Variants in PDPR observed in about 807,000 individuals in gnomAD.
PDPR encodes pyruvate dehydrogenase phosphatase regulatory subunit.
PDPR carries 50 observed loss-of-function variants against 102.2 expected under a neutral mutation model. The ratio of observed to expected loss-of-function variants is 0.49; its 90% CI spans 0.39 to 0.62. The LOEUF (loss-of-function observed/expected upper bound fraction) is 0.62. Among genes scored for constraint, PDPR ranks in the 20% least tolerant of loss-of-function variants. PDPR has a pLI of 0.00. For synonymous variants in PDPR, 259 were observed against 406.0 expected (o/e 0.64, Z 4.35); for missense variants, 625 against 1,098.2 (o/e 0.57, Z 6.09).
chr16:70,162,680 G>C (rs1034683455), downstream of PDPR: 10 of 153,064 alleles, frequency 6.5e-5, no homozygotes, highest in Non-Finnish European at 1.2e-4. Flanking sequence ...TAGAGAAGAT[G>C]TAGGTGTTTA....
chr16:70,151,390 C>G (rs1427358683), intron 17 of PDPR, among the ~76,000 whole-genome samples: 1 of 152,284 alleles, frequency 6.6e-6, no homozygotes, highest in African/African-American at 2.4e-5. Flanking sequence ...ATTTGAGCCA[C>G]TGTGCCCAAC....
chr16:70,151,208 A>G (rs1019012245), intron 17 of PDPR, among the ~76,000 whole-genome samples: 8 of 152,262 alleles, frequency 5.3e-5, no homozygotes, highest in Admixed American at 4.6e-4. Context: ...TGCTGGGATT[A>G]CAGGCATGAG....
intron 2 of PDPR, among the ~76,000 whole-genome samples, chr16:70,119,389 C>A (rs1244396738): frequency 4.6e-5 from 7 of 151,612 alleles, no homozygotes; most frequent in African/African-American, 1.7e-4. Context: ...TCATTTCATT[C>A]CCCTGCTAGT....
intron 9 of PDPR, among the ~76,000 whole-genome samples, chr16:70,133,810 C>T (rs144761147): frequency 0.083 from 12,099 of 146,366 alleles, 35 homozygotes; most frequent in South Asian, 0.091. Context: ...CTCGGCTCAC[C>T]GCAACGTCTG....
At chr16:70,127,682 A>G (rs1475007248) in intron 4 of PDPR, among the ~76,000 whole-genome samples, 3 of 152,274 alleles carry the variant, frequency 2.0e-5, no homozygotes, top group African/African-American at 7.2e-5. Flanking sequence ...AAAATAAGAT[A>G]CCAAATTGCT....
In PDPR at chr16:70,121,610, T is replaced by G. The variant is rs577214471; in HGVS notation, c.227+891T>G. Among the ~76,000 whole-genome samples, 7 of 152,184 alleles carry G rather than the reference T, an allele frequency of 4.6e-5. 1 individual carries two copies. In the South Asian group the frequency reaches 1.2e-3, roughly 27 times the overall value. ...AGCAGGCTGAGGCAGGAGAATCGCTTGAATCCGTGAGGCGGAGGTGGCAGT... is the reference window on the plus strand; with the variant it reads ...AGCAGGCTGAGGCAGGAGAATCGCTGGAATCCGTGAGGCGGAGGTGGCAGT... On this transcript the variant is annotated intron_variant, in intron 3 of 18. Coordinates refer to ENST00000288050, the MANE Select transcript of PDPR (RefSeq NM_017990.5).
chr16:70,156,500 C>T lies in PDPR; in HGVS notation c.2261C>T (p.Ala754Val), dbSNP rs779133868. Residue 754 changes from alanine (A) to valine (V), a missense_variant, in exon 19 of 19, where the codon GCC (alanine) becomes GTC (valine). Around this residue, in one of 11 missense-constraint regions of PDPR, gnomAD observed 303 missense variants for 258.9 expected, o/e 1.17. Coordinates refer to ENST00000288050, the MANE Select transcript of PDPR (RefSeq NM_017990.5). ...EKGMDFIGRD[A>V]LLQQKQNGVY... Reference sequence around the variant, plus strand: ...GGCATGGATTTCATTGGTCGCGACGCCCTCCTGCAGCAGAAGCAGAATGGA... The same window carrying T: ...GGCATGGATTTCATTGGTCGCGACGTCCTCCTGCAGCAGAAGCAGAATGGA... 6.2e-7 allele frequency: 1 copy of T among 1,613,912 alleles called. No homozygotes were observed. The highest frequency in any genetic ancestry group is 1.3e-5 in the African/African-American group (1 of 75,068).
In PDPR at chr16:70,156,842, A is replaced by G. The variant is rs777879468; in HGVS notation, c.2603A>G (p.Lys868Arg). 19 of 1,613,900 alleles carry G rather than the reference A, an allele frequency of 1.2e-5. No homozygotes were observed. The highest frequency in any genetic ancestry group is 1.5e-5 in the Non-Finnish European group (18 of 1,179,902). ...TCCCTCTTCACCCAGAAGCGCCGAA[A>G]GGATGACATGGAGCTGAGTGACTTA... The part of the protein sequence containing the change: ...VASLFTQKRR[K>R]DDMELSDLHG... Residue 868 changes from lysine (K) to arginine (R), a missense_variant, in exon 19 of 19, where the codon AAG becomes AGG. Around this residue, in one of 11 missense-constraint regions of PDPR, gnomAD observed 303 missense variants for 258.9 expected, o/e 1.17. Transcript: ENST00000288050.
rs1400267441 is a variant in PDPR at position 70,130,519 on chromosome 16, A to C, written c.704A>C (p.Gln235Pro). The C allele has an allele frequency of 4.3e-6, 7 of 1,613,916 alleles. No individual in the cohort carries two copies. The highest frequency in any genetic ancestry group is 5.9e-6 in the Non-Finnish European group (7 of 1,179,872). Residue 235 changes from glutamine (Q) to proline (P), a missense_variant, in exon 7 of 19, where the codon CAG (glutamine) becomes CCG (proline). Around this residue, in one of 11 missense-constraint regions of PDPR, gnomAD observed 35 missense variants for 63.5 expected, o/e 0.55. Transcript: ENST00000288050. ...ACCGATAAAGGACAGATTGAATGCC[A>C]GTATTTTGTCAACTGTGCTGGCCAG... ...VETDKGQIEC[Q>P]YFVNCAGQWA...
At chr16:70,132,718 G>C (rs1289236191) in intron 9 of PDPR, among the ~76,000 whole-genome samples, 1 of 152,134 alleles carries the variant, frequency 6.6e-6, no homozygotes, top group Admixed American at 6.6e-5. Flanking sequence ...GAACTCCAAG[G>C]CTCAAGTGAT....
chr16:70,128,373 G>A (rs571331061), intron 4 of PDPR, among the ~76,000 whole-genome samples: 3 of 152,224 alleles, frequency 2.0e-5, no homozygotes, highest in Non-Finnish European at 4.4e-5. Context: ...GATTACAGGC[G>A]TGCACCACCA....
rs763815756 is a variant in PDPR at position 70,132,260 on chromosome 16, G to C, written c.957G>C (p.Gln319His). 6.2e-7 allele frequency: 1 copy of C among 1,613,918 alleles called. No homozygotes were observed. The highest frequency in any genetic ancestry group is 2.2e-5 in the East Asian group (1 of 44,902). ...CAATTTTCACTGAGGGCAAGAACCA[G>C]CTGGAGATTCAGAATCTACAGGAAG... Reference protein sequence around the residue: ...PKPIFTEGKNQLEIQNLQEDW... With the variant: ...PKPIFTEGKNHLEIQNLQEDW... The change falls in exon 9 of 19, where the codon CAG becomes CAC. Residue 319 changes from glutamine (Q) to histidine (H), a missense_variant. Physicochemically the swap from Gln to His is conservative, Grantham distance 24. Around this residue, in one of 11 missense-constraint regions of PDPR, gnomAD observed 50 missense variants for 79.9 expected, o/e 0.63. Transcript: ENST00000288050.
chr16:70,118,322 C>G (rs565300450), intron 2 of PDPR, among the ~76,000 whole-genome samples: 1 of 152,330 alleles, frequency 6.6e-6, no homozygotes, highest in African/African-American at 2.4e-5. Context: ...TGAGATGAGC[C>G]AGGTTATCTG....
chr16:70,125,263 C>G (rs1356438073), intron 3 of PDPR, among the ~76,000 whole-genome samples: 8 of 152,228 alleles, frequency 5.3e-5, no homozygotes. Context: ...GTAATCCTAG[C>G]TACTTGGGAG....
chr16:70,155,502 T>C (rs1351472262), intron 18 of PDPR, among the ~76,000 whole-genome samples: 2 of 152,244 alleles, frequency 1.3e-5, no homozygotes, highest in African/African-American at 4.8e-5. Context: ...TGGGCCCAGC[T>C]ACTTGGGAGG....
chr16:70,163,169 A>G (rs1490441270), downstream of PDPR, among the ~76,000 whole-genome samples: 1 of 152,232 alleles, frequency 6.6e-6, no homozygotes, highest in Non-Finnish European at 1.5e-5. Context: ...GCTGGTCTCA[A>G]ACCCCCAACC....
rs1265270076 is a variant in PDPR, at chr16:70,143,705, C to T, written c.1754+47C>T. 3 of 1,589,542 alleles carry T rather than the reference C, an allele frequency of 1.9e-6. No homozygotes were observed. In the South Asian group the frequency reaches 3.4e-5, roughly 18 times the overall value. On this transcript the variant is annotated intron_variant, in intron 14 of 18. Coordinates refer to ENST00000288050, the MANE Select transcript of PDPR (RefSeq NM_017990.5). Reference sequence around the variant, plus strand: ...CTCTGCTCCCTCCAACATGTTGATTCCTTAGGGGTGCTGTAGCAGAGGCTC... The same window carrying T: ...CTCTGCTCCCTCCAACATGTTGATTTCTTAGGGGTGCTGTAGCAGAGGCTC...
In PDPR at chr16:70,128,851, CA is replaced by C. The variant is rs1964248062; in HGVS notation, c.431del (p.Asn144ThrfsTer4). On this transcript the variant is annotated frameshift_variant, in exon 5 of 19. Transcript: ENST00000288050. LOFTEE classifies it high-confidence loss of function. ...QDRLISLKRI[N>X]AGLNVIGIPS... ...ACCGACTGATCTCCCTGAAGCGCAT[CA>C]ACGCAGGGCTGAAGTACGTAAGAGT... 1 of 1,613,344 alleles carries C rather than the reference CA, an allele frequency of 6.2e-7. No individual in the cohort carries two copies. Among genetic ancestry groups the C allele is most frequent in the Non-Finnish European group, 8.5e-7 (1 of 1,179,558 alleles).
chr16:70,148,933 T>A (rs1966474308), intron 17 of PDPR, among the ~76,000 whole-genome samples: 1 of 152,176 alleles, frequency 6.6e-6, no homozygotes, highest in Non-Finnish European at 1.5e-5. Flanking sequence ...CTCACTCTTT[T>A]GCCCAGGGTG....
Sources: gnomAD v4.1 joint callset for allele counts (sites outside exome capture counted in the v4.1 genomes callset) on GRCh38, gnomAD v4.1.1 for gene constraint, gnomAD v4.1.1 regional missense constraint, MANE v1.5 for transcripts, NCBI Gene and HGNC (gene_info 2026-07-23, HGNC 2026-07-21) for gene names.